The following DOCK4 variants were observed in gnomAD, a reference collection of about 807,000 sequenced individuals.
DOCK4 encodes the protein dedicator of cytokinesis 4, also known as dedicator of cytokinesis protein 4.
In DOCK4, 97 loss-of-function variants were observed where a neutral mutation model predicts 268.1. The ratio of observed to expected loss-of-function variants is 0.36; its 90% CI spans 0.31 to 0.43. The LOEUF (loss-of-function observed/expected upper bound fraction) is 0.43. Ranked by LOEUF, DOCK4 falls within the 20% of genes least tolerant of loss-of-function variation. The pLI is 1.00. For missense variants in DOCK4, 2,145 were observed against 2,455.7 expected (o/e 0.87, Z 2.67); for synonymous variants, 954 against 887.2 (o/e 1.08, Z -1.34).
intron 39 of DOCK4, among the ~76,000 whole-genome samples, chr7:111,764,116 T>C (rs1189304301): frequency 6.6e-6 from 1 of 152,210 alleles, no homozygotes; most frequent in Non-Finnish European, 1.5e-5. Context: ...TTTCACATTA[T>C]GTCTGTGTAG....
In DOCK4 at chr7:111,811,928, T is replaced by C. The variant is rs1048321032; in HGVS notation, c.2952A>G (p.Leu984=). The change falls in exon 28 of 53, where the codon CTA becomes CTG. Residue 984 remains leucine, a synonymous_variant. Coordinates refer to ENST00000428084, the MANE Select transcript of DOCK4 (RefSeq NM_001363540.2). ...TCTTACGAAGTGCATCTGAGAGGTA[T>C]AGAACTGTTGTAATAATAACACTAG... ...VANNVIITTV[L]YLSDALRKNF... The C allele has an allele frequency of 5.9e-6, 9 of 1,524,870 alleles. No homozygotes were observed. The highest frequency in any genetic ancestry group is 1.4e-5 in the African/African-American group (1 of 72,216). 94.5% of individuals were successfully genotyped at this position (1,524,870 alleles called of 1,614,324 possible).
At chr7:111,943,828 G>A (rs1795395976) in intron 10 of DOCK4, among the ~76,000 whole-genome samples, 1 of 152,146 alleles carries the variant, frequency 6.6e-6, no homozygotes, top group Admixed American at 6.5e-5. Context: ...ATCTATGCGG[G>A]AATAAAAGTA....
intron 39 of DOCK4, among the ~76,000 whole-genome samples, chr7:111,763,562 C>T (rs1362284793): frequency 6.6e-6 from 1 of 152,214 alleles, no homozygotes; most frequent in Non-Finnish European, 1.5e-5. Context: ...TCTTAAACTA[C>T]TTCTAATTTT....
intron 30 of DOCK4, among the ~76,000 whole-genome samples, chr7:111,806,653 C>A (rs1368461390): frequency 6.6e-6 from 1 of 152,190 alleles, no homozygotes; most frequent in Admixed American, 6.5e-5. Flanking sequence ...TAAAGCAGTG[C>A]TTTTCAGTTT....
chr7:112,121,529 A>G (rs1812727040), intron 1 of DOCK4, among the ~76,000 whole-genome samples: 1 of 152,052 alleles, frequency 6.6e-6, no homozygotes, highest in African/African-American at 2.4e-5. Flanking sequence ...ATTAGGTTCA[A>G]TTTTCTTTAA....
chr7:111,856,484 T>G (rs191069660), intron 23 of DOCK4, among the ~76,000 whole-genome samples: 2 of 152,276 alleles, frequency 1.3e-5, no homozygotes, highest in Non-Finnish European at 2.9e-5. Context: ...TCTAGGTTCT[T>G]GGTTAAGAAC....
chr7:112,158,433 G>T (rs868253954), intron 1 of DOCK4, among the ~76,000 whole-genome samples: 29 of 152,088 alleles, frequency 1.9e-4, no homozygotes, highest in Admixed American at 1.3e-4. Context: ...CCTTTCTTTG[G>T]TTTTTGTTGT....
chr7:112,161,967 G>A (rs981240566), intron 1 of DOCK4, among the ~76,000 whole-genome samples: 1 of 152,162 alleles, frequency 6.6e-6, no homozygotes, highest in Non-Finnish European at 1.5e-5. Flanking sequence ...TTAAGATTTG[G>A]AGGATAGAAA....
chr7:112,191,597 T>C (rs1253752953), intron 1 of DOCK4, among the ~76,000 whole-genome samples: 5 of 152,220 alleles, frequency 3.3e-5, no homozygotes, highest in Non-Finnish European at 7.3e-5. Flanking sequence ...GTGAGCAATT[T>C]CTTCAGCACT....
At chr7:111,976,208 G>A (rs1189691816) in intron 8 of DOCK4, among the ~76,000 whole-genome samples, 2 of 85,896 alleles carry the variant, frequency 2.3e-5, no homozygotes, top group African/African-American at 5.5e-5. Flanking sequence ...ACGCACATAT[G>A]TGTGTGTGTG....
At position 111,741,996 on chromosome 7, in the gene DOCK4, C is replaced by A; in HGVS notation, c.4797+17G>T. 1 of 1,551,902 alleles carries A rather than the reference C, an allele frequency of 6.4e-7. No individual in the cohort carries two copies. Among genetic ancestry groups the A allele is most frequent in the Non-Finnish European group, 8.7e-7 (1 of 1,151,978 alleles). On this transcript the variant is annotated intron_variant, in intron 45 of 52. Transcript: ENST00000428084. Reference sequence around the variant, plus strand: ...AGTGATCAGGCTGCCCCGCCATGGACACCTAAGTATACATACCTGTATCCC... The same window carrying A: ...AGTGATCAGGCTGCCCCGCCATGGAAACCTAAGTATACATACCTGTATCCC...
chr7:111,908,882 T>C (rs1385984650), intron 13 of DOCK4, among the ~76,000 whole-genome samples: 2 of 152,212 alleles, frequency 1.3e-5, no homozygotes, highest in Non-Finnish European at 2.9e-5. Flanking sequence ...TAGGGCTGCA[T>C]AGTATTCCAT....
At chr7:112,195,637 C>T (rs538303542) in intron 1 of DOCK4, among the ~76,000 whole-genome samples, 1 of 151,852 alleles carries the variant, frequency 6.6e-6, no homozygotes, top group Non-Finnish European at 1.5e-5. Context: ...TACATGCATC[C>T]CCACGTTCCC....
chr7:112,008,393 TAACC>T (rs967253995), intron 1 of DOCK4, among the ~76,000 whole-genome samples: 5 of 152,250 alleles, frequency 3.3e-5, no homozygotes, highest in Admixed American at 6.5e-5. Flanking sequence ...AAAGATGTCC[TAACC>T]AACTGCCTGT....
At chr7:112,065,890 A>C (rs1806881947) in intron 1 of DOCK4, among the ~76,000 whole-genome samples, 1 of 152,188 alleles carries the variant, frequency 6.6e-6, no homozygotes, top group Admixed American at 6.5e-5. Context: ...GACATCCAAA[A>C]TGGAGCTTCT....
intron 1 of DOCK4, among the ~76,000 whole-genome samples, chr7:112,017,691 C>G (rs1483108310): frequency 6.6e-6 from 1 of 152,182 alleles, no homozygotes; most frequent in Non-Finnish European, 1.5e-5. Context: ...CATCATTTCC[C>G]TTTTCCCCAA....
chr7:111,887,177 C>T (rs1475138772), intron 16 of DOCK4, among the ~76,000 whole-genome samples: 1 of 152,154 alleles, frequency 6.6e-6, no homozygotes, highest in African/African-American at 2.4e-5. Flanking sequence ...GTAAATGTGA[C>T]AAGAGAAGCC....
At chr7:111,790,909 T>C (rs1016110676) in intron 30 of DOCK4, among the ~76,000 whole-genome samples, 1 of 150,868 alleles carries the variant, frequency 6.6e-6, no homozygotes, top group Non-Finnish European at 1.5e-5. Context: ...ATACAAACAA[T>C]TAGCCGGGCG....
intron 40 of DOCK4, 89 bp from the exon 41 acceptor site, chr7:111,758,879 G>T: frequency 1.7e-6 from 2 of 1,192,174 alleles, no homozygotes; most frequent in Non-Finnish European, 2.4e-6. Flanking sequence ...AGAAGAGGAT[G>T]GGTAACAATC....
Sources: allele counts gnomAD v4.1 joint callset (sites outside exome capture counted in the v4.1 genomes callset), GRCh38; gene constraint gnomAD v4.1.1; transcripts MANE v1.5; gene names NCBI Gene and HGNC (gene_info 2026-07-23, HGNC 2026-07-21).